Variants in EZR observed in about 807,000 individuals in gnomAD.
The protein encoded by EZR is cytovillin 2.
A neutral mutation model predicts 74.8 loss-of-function variants in EZR; 40 were observed. That is an observed-to-expected ratio of 0.53 (90% confidence interval 0.42 to 0.70). The LOEUF is 0.70. Among genes scored for constraint, EZR ranks in the 30% least tolerant of loss-of-function variants. The pLI is 0.00. For synonymous variants in EZR, 341 were observed against 283.3 expected (o/e 1.20, Z -2.05); for missense variants, 678 against 755.8 (o/e 0.90, Z 1.21).
intron 2 of EZR, among the ~76,000 whole-genome samples, chr6:158,802,064 C>G (rs756849943): frequency 6.6e-6 from 1 of 152,210 alleles, no homozygotes; most frequent in Admixed American, 6.5e-5. Context: ...TACCAAAAAA[C>G]GTAACCCACC....
chr6:158,785,678 C>A (rs1583569173), intron 4 of EZR, 95 bp from the exon 5 acceptor site: 4 of 1,457,162 alleles, frequency 2.7e-6, no homozygotes, highest in Non-Finnish European at 3.7e-6. Flanking sequence ...ATGGGGCCCT[C>A]AAGCCAGTTT....
chr6:158,779,423 G>A (rs1476354481), intron 7 of EZR, among the ~76,000 whole-genome samples: 2 of 152,180 alleles, frequency 1.3e-5, no homozygotes, highest in Non-Finnish European at 2.9e-5. Flanking sequence ...TGGGAATGAG[G>A]TCTAGAGACT....
chr6:158,765,993 C>T lies in EZR; in HGVS notation c.*921G>A, dbSNP rs1052715379. On this transcript the variant is annotated 3_prime_UTR_variant, in exon 14 of 14. Transcript: ENST00000367075. ...CTCATAGTGGCATGTGTGAATCTGA[C>T]AAAATTAAAAGTGTGCATAGTCCAT... The T allele has an allele frequency of 2.0e-5, 3 of 152,582 alleles. No individual in the cohort carries two copies. The highest frequency in any genetic ancestry group is 2.4e-5 in the African/African-American group (1 of 41,422). The allele number at this position is 152,582 out of a possible 1,614,324, so 9.5% of individuals were successfully genotyped here. A position where few individuals can be genotyped will look rare whatever the true frequency, so the allele number is the denominator to read the frequency against.
intron 2 of EZR, among the ~76,000 whole-genome samples, chr6:158,799,648 C>T (rs1042080003): frequency 6.6e-6 from 1 of 152,220 alleles, no homozygotes; most frequent in South Asian, 2.1e-4. Flanking sequence ...AGACATTGGT[C>T]GTTTTCCACA....
Position 158,767,357 on chromosome 6 carries a change from G to A in EZR, c.1500C>T (p.Ser500=), listed in dbSNP as rs546586987. 84 of 1,614,008 alleles carry A rather than the reference G, an allele frequency of 5.2e-5. 1 individual carries two copies. The highest frequency in any genetic ancestry group is 2.8e-4 in the African/African-American group (21 of 74,970). The change falls in exon 13 of 14, where the codon AGC becomes AGT. Residue 500 remains serine, a synonymous_variant. Transcript: ENST00000367075. ...QDEGAEPTGY[S]AELSSEGIRD... Reference sequence around the variant, plus strand: ...GGATGCCCTCACTAGACAGCTCCGCGCTGTAGCCCGTGGGCTCTGCGCCCT... The same window carrying A: ...GGATGCCCTCACTAGACAGCTCCGCACTGTAGCCCGTGGGCTCTGCGCCCT...
chr6:158,767,990 A>T (rs914051320), intron 12 of EZR, among the ~76,000 whole-genome samples: 12 of 151,856 alleles, frequency 7.9e-5, no homozygotes, highest in Admixed American at 5.2e-4. Context: ...TCCTCACTTA[A>T]CAGGTACTTT....
intron 11 of EZR, 36 bp downstream of exon 11, chr6:158,769,748 T>C (rs2128564671): frequency 6.2e-7 from 1 of 1,611,424 alleles, no homozygotes; most frequent in East Asian, 2.2e-5. Flanking sequence ...GCAGCCTCTC[T>C]ATAATTCAGC....
At chr6:158,813,551 G>A (rs568511649) in intron 2 of EZR, among the ~76,000 whole-genome samples, 4 of 149,892 alleles carry the variant, frequency 2.7e-5, no homozygotes, top group Admixed American at 2.0e-4. Context: ...CCTCGTGGAG[G>A]AGGAGGGGTG....
chr6:158,784,339 G>A lies in EZR; in HGVS notation c.551+305C>T, dbSNP rs111790434. On this transcript the variant is annotated intron_variant, in intron 6 of 13. Transcript: ENST00000367075. ...AGCATCTCTTTGACAGAATAATGCT[G>A]ATTGCAGGTGAACAATGCCCCTCTG... 5.4e-3 allele frequency among the ~76,000 whole-genome samples: 815 copies of A among 152,336 alleles called. 4 individuals carry two copies. Among genetic ancestry groups the A allele is most frequent in the African/African-American group, 0.019 (772 of 41,572 alleles).
intron 3 of EZR, 38 bp from the exon 4 acceptor site, chr6:158,787,241 A>G: frequency 6.4e-7 from 1 of 1,567,580 alleles, no homozygotes; most frequent in Non-Finnish European, 8.8e-7. Context: ...CTCATGAGAA[A>G]CTCACTCAAA....
intron 4 of EZR, 29 bp from the exon 5 acceptor site, chr6:158,785,612 C>A: frequency 6.2e-7 from 1 of 1,606,856 alleles, no homozygotes. Context: ...ACTCTCCACA[C>A]AAATCCGGAA....
intron 2 of EZR, among the ~76,000 whole-genome samples, chr6:158,803,600 T>C (rs867612665): frequency 0.013 from 189 of 14,720 alleles, 10 homozygotes; most frequent in African/African-American, 0.054. Flanking sequence ...TATATATATA[T>C]ATATACATAT....
intron 2 of EZR, among the ~76,000 whole-genome samples, chr6:158,801,393 C>T (rs1777183562): frequency 6.6e-6 from 1 of 151,832 alleles, no homozygotes; most frequent in Non-Finnish European, 1.5e-5. Flanking sequence ...CAAAAACAAA[C>T]AAAAAAAATC....
At position 158,792,951 on chromosome 6, in the gene EZR, A is replaced by AT. The variant is rs1281868768; in HGVS notation, c.13-3581dup. Among the ~76,000 whole-genome samples the AT allele has an allele frequency of 9.2e-5, 14 of 152,148 alleles. No individual in the cohort carries two copies. In the East Asian group the frequency reaches 2.1e-3, roughly 23 times the overall value. ...TTAGCTGGTCCGATCATTCCACAAAATTTTTTACCTATGCTCCAACACCCA... is the reference window on the plus strand; with the variant it reads ...TTAGCTGGTCCGATCATTCCACAAAATTTTTTTACCTATGCTCCAACACCCA... On this transcript the variant is annotated intron_variant, in intron 2 of 13. Transcript: ENST00000367075.
At chr6:158,812,538 G>C (rs1053555117) in intron 2 of EZR, among the ~76,000 whole-genome samples, 1 of 151,994 alleles carries the variant, frequency 6.6e-6, no homozygotes, top group Non-Finnish European at 1.5e-5. Context: ...CTTAACTTTA[G>C]GTATGTACGG....
intron 2 of EZR, among the ~76,000 whole-genome samples, chr6:158,797,733 C>A (rs2128573188): frequency 6.6e-6 from 1 of 152,298 alleles, no homozygotes; most frequent in South Asian, 2.1e-4. Flanking sequence ...AAAAACTTTG[C>A]AGCTATTTTG....
At chr6:158,790,976 C>G (rs1464959439) in intron 2 of EZR, among the ~76,000 whole-genome samples, 1 of 152,190 alleles carries the variant, frequency 6.6e-6, no homozygotes, top group Non-Finnish European at 1.5e-5. Context: ...GACGTATTAC[C>G]TGTGCCAGTA....
chr6:158,774,761 A>G (rs1791223784), intron 8 of EZR, among the ~76,000 whole-genome samples: 1 of 151,552 alleles, frequency 6.6e-6, no homozygotes, highest in Non-Finnish European at 1.5e-5. Flanking sequence ...TGCTCTAGTC[A>G]AATTTTTAAT....
intron 2 of EZR, among the ~76,000 whole-genome samples, chr6:158,792,852 T>C (rs1791781527): frequency 6.7e-6 from 1 of 148,240 alleles, no homozygotes; most frequent in Non-Finnish European, 1.5e-5. Flanking sequence ...AAGTTCTGCA[T>C]GAGTCAACAA....
Sources: gnomAD v4.1 joint callset for allele counts (sites outside exome capture counted in the v4.1 genomes callset) on GRCh38, gnomAD v4.1.1 for gene constraint, MANE v1.5 for transcripts, NCBI Gene and HGNC (gene_info 2026-07-23, HGNC 2026-07-21) for gene names.